The following PTBP1 variants were observed in gnomAD, a reference collection of about 807,000 sequenced individuals.
PTBP1 encodes polypyrimidine tract binding protein 1.
In PTBP1, 8 loss-of-function variants were observed where a neutral mutation model predicts 59.8. The observed-to-expected ratio is 0.13, with a 90% confidence interval of 0.08 to 0.24. The LOEUF (loss-of-function observed/expected upper bound fraction) is 0.24, where lower values mean the gene tolerates loss of function less well. Ranked by LOEUF, PTBP1 falls within the 10% of genes least tolerant of loss-of-function variation. The pLI is 1.00. For missense variants in PTBP1, 686 were observed against 767.0 expected, an observed-to-expected ratio of 0.89 and a Z score of 1.25; for synonymous variants, 490 against 320.7, an observed-to-expected ratio of 1.53 and a Z score of -5.64.
chr19:798,833 C>G (rs567196348), intron 1 of PTBP1, among the ~76,000 whole-genome samples: 51 of 152,354 alleles, frequency 3.3e-4, no homozygotes, highest in African/African-American at 6.3e-4. Context: ...AGAGTCGGGT[C>G]GGGCGGGGCT....
chr19:805,691 C>A, intron 9 of PTBP1, 122 bp downstream of exon 9: 1 of 854,134 alleles, frequency 1.2e-6, no homozygotes. Context: ...GTCAGGGGCC[C>A]TTCCCGGGAG....
chr19:811,623 A>T lies in PTBP1; in HGVS notation c.*797A>T, dbSNP rs1468866457. On this transcript the variant is annotated 3_prime_UTR_variant, in exon 15 of 15. Coordinates refer to ENST00000356948, the MANE Select transcript of PTBP1 (RefSeq NM_002819.5). ...CCTTGTATGCTGTTACTTTTATTTT[A>T]TTCCTTGTAATTAAGTCACAGGCAG... 6.6e-6 allele frequency: 1 copy of T among 152,370 alleles called. No homozygotes were observed. The highest frequency in any genetic ancestry group is 2.4e-5 in the African/African-American group (1 of 41,454). 9.4% of individuals were successfully genotyped at this position (152,370 alleles called of 1,614,324 possible). A position where few individuals can be genotyped will look rare whatever the true frequency, so the allele number is the denominator to read the frequency against.
intron 3 of PTBP1, 122 bp from the exon 4 acceptor site, chr19:803,914 T>A: frequency 8.4e-7 from 1 of 1,195,864 alleles, no homozygotes; most frequent in Non-Finnish European, 1.2e-6. Context: ...CTGGTTCACA[T>A]GCACCCTCCT....
chr19:797,586 GC>G (rs1244825308), intron 1 of PTBP1, 81 bp downstream of exon 1: 2 of 1,012,178 alleles, frequency 2.0e-6, no homozygotes, highest in African/African-American at 3.4e-5. Context: ...CCTCCCCGGG[GC>G]CGATCTCGCC....
chr19:810,434 T>A (rs1408374282), intron 13 of PTBP1, 109 bp from the exon 14 acceptor site: 1 of 878,244 alleles, frequency 1.1e-6, no homozygotes, highest in Non-Finnish European at 1.8e-6. Flanking sequence ...TAAAAGGCCC[T>A]ACGCCTTCCC....
rs746992262 is a variant in PTBP1, at chr19:808,462, C to T, written c.1246+10C>T. 5.2e-5 allele frequency: 83 copies of T among 1,582,758 alleles called. 2 individuals carry two copies. The highest frequency in any genetic ancestry group is 5.1e-4 in the South Asian group (45 of 87,828). The stretch of plus-strand genomic sequence containing the variant: ...AACCAGGCCCAGCTGGGTAAGAGGC[C>T]GGGGCGGCCCCGGGGTGGAGGGGGC... On this transcript the variant is annotated intron_variant, in intron 12 of 14. Coordinates refer to ENST00000356948, the MANE Select transcript of PTBP1 (RefSeq NM_002819.5). The surrounding 1 kb of genome is among the most constrained non-coding windows in gnomAD (Gnocchi z 4.7).
intron 10 of PTBP1, chr19:807,255 T>A (rs1303213351): frequency 6.5e-6 from 1 of 152,750 alleles, no homozygotes; most frequent in East Asian, 1.9e-4. Context: ...CCTGTAATCG[T>A]CCTTAGAGAC....
intron 2 of PTBP1, among the ~76,000 whole-genome samples, chr19:803,021 C>T (rs1032043464): frequency 6.6e-6 from 1 of 152,172 alleles, no homozygotes; most frequent in Non-Finnish European, 1.5e-5. Flanking sequence ...GTTTCTTTTC[C>T]GGGCTGGAAA....
intron 9 of PTBP1, 102 bp downstream of exon 9, chr19:805,671 C>A: frequency 9.9e-7 from 1 of 1,005,326 alleles, no homozygotes; most frequent in Non-Finnish European, 1.6e-6. Flanking sequence ...ACTGGGCACT[C>A]GAGTGCCAGG....
At chr19:797,860 G>T (rs1249214647) in intron 1 of PTBP1, among the ~76,000 whole-genome samples, 1 of 148,480 alleles carries the variant, frequency 6.7e-6, no homozygotes, top group Non-Finnish European at 1.5e-5. Flanking sequence ...TCGCGCGCCC[G>T]GATGGCCCTT....
intron 3 of PTBP1, 87 bp downstream of exon 3, chr19:803,723 C>T: frequency 8.2e-7 from 1 of 1,220,122 alleles, no homozygotes; most frequent in Non-Finnish European, 1.2e-6. Flanking sequence ...CTCTACTTTC[C>T]ATCTCCAACT....
intron 10 of PTBP1, 23 bp downstream of exon 10, chr19:806,579 C>G (rs1447495835): frequency 6.8e-7 from 1 of 1,475,456 alleles, no homozygotes; most frequent in East Asian, 2.7e-5. Context: ...TTCCTCCGCG[C>G]CGCCGTTCCT....
chr19:808,142 C>T lies in PTBP1; in HGVS notation c.1154-218C>T, dbSNP rs1343006552. 5 of 630,056 alleles carry T rather than the reference C, an allele frequency of 7.9e-6. No individual in the cohort carries two copies. Among genetic ancestry groups the T allele is most frequent in the Admixed American group, 2.8e-5 (1 of 35,196 alleles). The allele number at this position is 630,056 out of a possible 1,614,324, so 39.0% of individuals were successfully genotyped here. The stretch of plus-strand genomic sequence containing the variant: ...GGTGGCATATGCCACCGTGGCCACC[C>T]GCTGGCAGCTTACCTGTCCTGGATG... On this transcript the variant is annotated intron_variant, in intron 11 of 14. Transcript: ENST00000356948. The surrounding 1 kb of genome is among the most constrained non-coding windows in gnomAD (Gnocchi z 4.7).
rs2034502265 is a variant in PTBP1, at chr19:805,123, A to G, written c.828A>G (p.Thr276=). 7.4e-6 allele frequency: 12 copies of G among 1,613,772 alleles called. No individual in the cohort carries two copies. The highest frequency in any genetic ancestry group is 1.0e-5 in the Non-Finnish European group (12 of 1,179,866). Residue 276 remains threonine, a synonymous_variant, in exon 8 of 15, where the codon ACA becomes ACG. Transcript: ENST00000356948. ...KYNNDKSRDY[T]RPDLPSGDSQ... ...ACAATGACAAGAGCCGTGACTACAC[A>G]CGCCCAGACCTGCCTTCCGGGGACA...
intron 9 of PTBP1, chr19:806,187 GC>G: frequency 2.1e-6 from 1 of 484,376 alleles, no homozygotes; most frequent in Middle Eastern, 5.4e-4. Flanking sequence ...CCCAGGCCCG[GC>G]CCGGCCCGTG....
rs181567391 is a variant in PTBP1, at chr19:809,155, C to A, written c.1463+393C>A. Among the ~76,000 whole-genome samples, 47 of 151,692 alleles carry A rather than the reference C, an allele frequency of 3.1e-4. No individual in the cohort carries two copies. The East Asian group carries it at 8.7e-3, about 28-fold the overall frequency. On this transcript the variant is annotated intron_variant, in intron 13 of 14. Coordinates refer to ENST00000356948, the MANE Select transcript of PTBP1 (RefSeq NM_002819.5). ...TCCCGAGTAGCTGGGACTGTAGGCACCCACAACCACACCTGGCTAATTTTT... is the reference window on the plus strand; with the variant it reads ...TCCCGAGTAGCTGGGACTGTAGGCAACCACAACCACACCTGGCTAATTTTT...
At chr19:797,579 C>G (rs1194004600) in intron 1 of PTBP1, 74 bp downstream of exon 1, 1 of 1,111,060 alleles carries the variant, frequency 9.0e-7, no homozygotes, top group Non-Finnish European at 1.1e-6. Context: ...GCGCCGGCCT[C>G]CCCGGGGCCG....
intron 2 of PTBP1, among the ~76,000 whole-genome samples, chr19:800,001 A>G (rs1045579191): frequency 3.3e-5 from 5 of 151,830 alleles, no homozygotes; most frequent in African/African-American, 1.2e-4. Context: ...ATCTTGGCTC[A>G]CTGCAACCTC....
At chr19:806,131 G>C (rs1406396833) in intron 9 of PTBP1, 2 of 375,656 alleles carry the variant, frequency 5.3e-6, no homozygotes, top group Non-Finnish European at 9.5e-6. Flanking sequence ...CTGTGCTGGC[G>C]GAGCCGGAGC....
Sources: gnomAD v4.1 joint callset for allele counts (sites outside exome capture counted in the v4.1 genomes callset) on GRCh38, gnomAD v4.1.1 for gene constraint, Gnocchi (gnomAD v3.1) non-coding constraint, MANE v1.5 for transcripts, NCBI Gene and HGNC (gene_info 2026-07-23, HGNC 2026-07-21) for gene names.